EGFR: variants seen among roughly 807,000 people sequenced by gnomAD.
EGFR encodes avian erythroblastic leukemia viral (v-erb-b) oncogene homolog.
Under a neutral mutation model 143.0 loss-of-function variants are expected in EGFR, and 58 were observed. The ratio of observed to expected loss-of-function variants is 0.41; its 90% CI spans 0.33 to 0.50. EGFR has a LOEUF of 0.50. EGFR is among the 20% of genes least tolerant of loss of function. The pLI is 0.39. For synonymous variants in EGFR, 613 were observed against 594.4 expected (o/e 1.03, Z -0.45); for missense variants, 1,307 against 1,579.0 (o/e 0.83, Z 2.92).
At chr7:55,137,205 A>G (rs947010948) in intron 1 of EGFR, among the ~76,000 whole-genome samples, 8 of 152,176 alleles carry the variant, frequency 5.3e-5, no homozygotes, top group Non-Finnish European at 1.2e-4. Flanking sequence ...AGATGCGAAG[A>G]TCTGGGCTGG....
At chr7:55,146,778 C>T (rs1404592725) in intron 4 of EGFR, 38 bp downstream of exon 4, 1 of 1,613,600 alleles carries the variant, frequency 6.2e-7, no homozygotes, top group Non-Finnish European at 8.5e-7. Flanking sequence ...CCTCCAGCTC[C>T]TATGGGGGAC....
intron 1 of EGFR, among the ~76,000 whole-genome samples, chr7:55,057,029 G>T (rs1340623189): frequency 2.6e-5 from 4 of 152,200 alleles, no homozygotes; most frequent in African/African-American, 9.6e-5. Context: ...ACAAGGATGC[G>T]CAGCAAGGAA....
At chr7:55,200,276 A>G (rs542055919) in intron 23 of EGFR, 40 bp from the exon 24 acceptor site, 4 of 1,562,264 alleles carry the variant, frequency 2.6e-6, no homozygotes, top group Non-Finnish European at 3.5e-6. Context: ...CATTTCTTCC[A>G]GTGTTCTAAT....
intron 1 of EGFR, chr7:55,110,042 C>G (rs1376274371): frequency 1.4e-6 from 1 of 714,824 alleles, no homozygotes; most frequent in Non-Finnish European, 1.7e-6. Context: ...TATGAGGCAT[C>G]ACATGATGAG....
intron 1 of EGFR, among the ~76,000 whole-genome samples, chr7:55,089,423 G>T (rs1171467194): frequency 6.6e-6 from 1 of 152,168 alleles, no homozygotes; most frequent in Admixed American, 6.5e-5. Context: ...TCAGTTATTT[G>T]AATAAGTTTT....
At chr7:55,188,019 C>T (rs1473260957) in intron 20 of EGFR, among the ~76,000 whole-genome samples, 1 of 152,152 alleles carries the variant, frequency 6.6e-6, no homozygotes, top group Non-Finnish European at 1.5e-5. Context: ...CCCCAGCCCC[C>T]AGGGGAAGGG....
intron 1 of EGFR, among the ~76,000 whole-genome samples, chr7:55,024,265 T>C (rs534058531): frequency 5.3e-4 from 81 of 152,222 alleles, no homozygotes; most frequent in Admixed American, 1.0e-3. Flanking sequence ...ATCAAATGAC[T>C]GGTCCTGTGG....
intron 1 of EGFR, among the ~76,000 whole-genome samples, chr7:55,139,556 G>A (rs10244987): frequency 0.079 from 12,047 of 152,158 alleles, 583 homozygotes; most frequent in Middle Eastern, 0.17. Context: ...ACAACCTTAT[G>A]TGTTTTCTTT....
chr7:55,122,432 C>T (rs546753535), intron 1 of EGFR, among the ~76,000 whole-genome samples: 10 of 152,336 alleles, frequency 6.6e-5, no homozygotes, highest in African/African-American at 2.2e-4. Flanking sequence ...GTGGGGGGAA[C>T]CGCACAGCCA....
intron 25 of EGFR, 85 bp downstream of exon 25, chr7:55,201,440 T>C: frequency 6.3e-7 from 1 of 1,577,154 alleles, no homozygotes. Context: ...AACCATCTAG[T>C]GAAACTCACA....
At chr7:55,151,945 A>G (rs1488535289) in intron 5 of EGFR, among the ~76,000 whole-genome samples, 1 of 152,254 alleles carries the variant, frequency 6.6e-6, no homozygotes, top group African/African-American at 2.4e-5. Flanking sequence ...CTCTGAACAC[A>G]GCACACTTTC....
chr7:55,176,915 C>A (rs1045368948), intron 19 of EGFR, among the ~76,000 whole-genome samples: 16 of 144,116 alleles, frequency 1.1e-4, no homozygotes, highest in East Asian at 2.0e-4. Context: ...AAATATATAT[C>A]TCTCTCTAAA....
chr7:55,146,999 G>C (rs565318406), intron 4 of EGFR, among the ~76,000 whole-genome samples: 1 of 152,334 alleles, frequency 6.6e-6, no homozygotes, highest in South Asian at 2.1e-4. Flanking sequence ...CAGAGCACTT[G>C]TGTCCTGAGA....
Position 55,111,587 on chromosome 7 carries a change from T to C in EGFR, c.89-30699T>C, listed in dbSNP as rs543838316. 5.3e-5 allele frequency among the ~76,000 whole-genome samples: 8 copies of C among 152,322 alleles called. No individual in the cohort carries two copies. In the East Asian group the frequency reaches 1.2e-3, roughly 22 times the overall value. Reference sequence around the variant, plus strand: ...TTACTTTCTAGATTGAATAAAATCCTATAGAAATGAATTCCTGGACTTGAT... The same window carrying C: ...TTACTTTCTAGATTGAATAAAATCCCATAGAAATGAATTCCTGGACTTGAT... On this transcript the variant is annotated intron_variant, in intron 1 of 27. Coordinates refer to ENST00000275493, the MANE Select transcript of EGFR (RefSeq NM_005228.5).
In EGFR at chr7:55,172,777, G is replaced by T. The variant is rs1584221498; in HGVS notation, c.1920-206G>T. The T allele has an allele frequency of 4.9e-6, 7 of 1,441,806 alleles. No homozygotes were observed. In the East Asian group the frequency reaches 1.2e-4, roughly 25 times the overall value. The allele number at this position is 1,441,806 out of a possible 1,614,324, so 89.3% of individuals were successfully genotyped here. A position where few individuals can be genotyped will look rare whatever the true frequency, so the allele number is the denominator to read the frequency against. ...TAAAAAATGAGGAAAAGTGTGCCTG[G>T]TAGGGGACTGGGGAGAGCTTGAGAA... On this transcript the variant is annotated intron_variant, in intron 16 of 27. Coordinates refer to ENST00000275493, the MANE Select transcript of EGFR (RefSeq NM_005228.5).
rs2128853275 is a variant in EGFR at position 55,019,281 on chromosome 7, C to T, written c.4C>T (p.Arg2Ter). The change falls in exon 1 of 28, where the codon CGA (arginine) becomes TGA (stop). Residue 2 changes from arginine to a stop codon, truncating the protein, a stop_gained. Transcript: ENST00000275493. LOFTEE classifies it high-confidence loss of function. M[R>*]PSGTAGAALL... is the part of the protein sequence containing the mutation. ...GCGAGCTCTTCGGGGAGCAGCGATG[C>T]GACCCTCCGGGACGGCCGGGGCAGC... 2 of 1,500,882 alleles carry T rather than the reference C, an allele frequency of 1.3e-6. No homozygotes were observed. Among genetic ancestry groups the T allele is most frequent in the Non-Finnish European group, 1.8e-6 (2 of 1,119,646 alleles). 93.0% of individuals were successfully genotyped at this position (1,500,882 alleles called of 1,614,324 possible).
At position 55,201,334 on chromosome 7, in the gene EGFR, G is replaced by T. The variant is rs772400743; in HGVS notation, c.3093G>T (p.Arg1031=). 1 of 1,614,038 alleles carries T rather than the reference G, an allele frequency of 6.2e-7. No individual in the cohort carries two copies. Among genetic ancestry groups the T allele is most frequent in the South Asian group, 1.1e-5 (1 of 91,066 alleles). Residue 1031 remains arginine (R), a synonymous_variant, in exon 25 of 28, where the codon CGG becomes CGT. Coordinates refer to ENST00000275493, the MANE Select transcript of EGFR (RefSeq NM_005228.5). ...QGFFSSPSTS[R]TPLLSSLSAT... ...TCTTCAGCAGCCCCTCCACGTCACG[G>T]ACTCCCCTCCTGAGCTCTCTGGTAT...
chr7:55,067,248 A>G, intron 1 of EGFR, among the ~76,000 whole-genome samples: 1 of 151,964 alleles, frequency 6.6e-6, no homozygotes, highest in Non-Finnish European at 1.5e-5. Context: ...TTGTGTCTGC[A>G]GGAAAGTGCT....
chr7:55,041,476 G>A (rs1338370295), intron 1 of EGFR, among the ~76,000 whole-genome samples: 2 of 152,024 alleles, frequency 1.3e-5, no homozygotes, highest in African/African-American at 2.4e-5. Flanking sequence ...CATTTATCCA[G>A]CCCATACACA....
Sources: allele counts gnomAD v4.1 joint callset (sites outside exome capture counted in the v4.1 genomes callset), GRCh38; gene constraint gnomAD v4.1.1; transcripts MANE v1.5; gene names NCBI Gene and HGNC (gene_info 2026-07-23, HGNC 2026-07-21).